Variants in COL11A1 observed in about 807,000 individuals in gnomAD.
COL11A1 encodes collagen alpha-1(XI) chain.
Under a neutral mutation model 265.2 loss-of-function variants are expected in COL11A1, and 74 were observed. The observed-to-expected ratio is 0.28, with a 90% CI of 0.23 to 0.34. The LOEUF is 0.34. Among genes scored for constraint, COL11A1 ranks in the 10% least tolerant of loss-of-function variants. The pLI, the probability that COL11A1 is intolerant of heterozygous loss-of-function variation, is 1.00. For missense variants in COL11A1, 2,165 were observed against 2,263.6 expected (o/e 0.96, Z 0.88); for synonymous variants, 816 against 727.6 (o/e 1.12, Z -1.96).
intron 63 of COL11A1, among the ~76,000 whole-genome samples, chr1:102,885,854 T>C (rs2100833913): frequency 6.6e-6 from 1 of 152,312 alleles, no homozygotes; most frequent in South Asian, 2.1e-4. Flanking sequence ...AGATGTTAGA[T>C]ACCAGTTTGT....
chr1:103,050,338 C>A (rs1032596393), intron 4 of COL11A1, among the ~76,000 whole-genome samples: 1 of 152,138 alleles, frequency 6.6e-6, no homozygotes, highest in African/African-American at 2.4e-5. Flanking sequence ...CTTCTCACTT[C>A]ATTTCATTCA....
intron 14 of COL11A1, among the ~76,000 whole-genome samples, chr1:103,011,231 T>C (rs1234597476): frequency 5.3e-5 from 8 of 152,192 alleles, no homozygotes; most frequent in East Asian, 3.8e-4. Flanking sequence ...TTTCCTGTTA[T>C]GTAAATTTGA....
At chr1:103,078,911 C>G in intron 2 of COL11A1, 40 bp from the exon 3 acceptor site, 1 of 1,396,666 alleles carries the variant, frequency 7.2e-7, no homozygotes, top group Non-Finnish European at 1.0e-6. Flanking sequence ...TTTCCAATTT[C>G]CAATTTCTAC....
intron 1 of COL11A1, among the ~76,000 whole-genome samples, chr1:103,099,808 T>G (rs1164299095): frequency 6.6e-6 from 1 of 151,774 alleles, no homozygotes; most frequent in Non-Finnish European, 1.5e-5. Context: ...GTTTTCCATA[T>G]GAAAAAGCTA....
intron 32 of COL11A1, 86 bp from the exon 33 acceptor site, chr1:102,979,190 A>T: frequency 1.5e-6 from 2 of 1,339,174 alleles, no homozygotes; most frequent in Admixed American, 3.4e-5. Context: ...ATGCAAGAAC[A>T]TCATTCATTC....
At chr1:102,967,867 G>T (rs1296110443) in intron 37 of COL11A1, among the ~76,000 whole-genome samples, 1 of 152,194 alleles carries the variant, frequency 6.6e-6, no homozygotes, top group Non-Finnish European at 1.5e-5. Flanking sequence ...ATAATTAAAT[G>T]TAATAGATTA....
chr1:103,061,270 G>A (rs7552698), intron 4 of COL11A1, among the ~76,000 whole-genome samples: 5,259 of 152,002 alleles, frequency 0.035, 329 homozygotes, highest in African/African-American at 0.12. Flanking sequence ...TAATAGATAT[G>A]GAAGGAAAAA....
At chr1:102,903,435 T>A (rs530418743) in intron 54 of COL11A1, among the ~76,000 whole-genome samples, 1 of 151,110 alleles carries the variant, frequency 6.6e-6, no homozygotes, top group East Asian at 1.9e-4. Flanking sequence ...ACTTCCGCCA[T>A]AAGATATTAT....
At chr1:103,097,762 G>C (rs1003017380) in intron 1 of COL11A1, among the ~76,000 whole-genome samples, 16 of 151,938 alleles carry the variant, frequency 1.1e-4, no homozygotes, top group Non-Finnish European at 1.8e-4. Flanking sequence ...ATAGATATTT[G>C]TTGAATAAGT....
intron 54 of COL11A1, among the ~76,000 whole-genome samples, chr1:102,905,271 C>T (rs1490253460): frequency 2.0e-5 from 3 of 148,746 alleles, no homozygotes; most frequent in Non-Finnish European, 3.0e-5. Flanking sequence ...ATACCTAATG[C>T]TAAATGACGA....
At chr1:103,098,222 G>T (rs928927185) in intron 1 of COL11A1, among the ~76,000 whole-genome samples, 4 of 151,876 alleles carry the variant, frequency 2.6e-5, no homozygotes, top group African/African-American at 9.7e-5. Flanking sequence ...GTAATTAGTT[G>T]ATCTCCTCAA....
intron 11 of COL11A1, 100 bp from the exon 12 acceptor site, chr1:103,015,842 A>C (rs1445070004): frequency 1.1e-6 from 1 of 879,796 alleles, no homozygotes; most frequent in Non-Finnish European, 1.7e-6. Context: ...TCTAATTTGC[A>C]TTTGCCCTTT....
intron 5 of COL11A1, among the ~76,000 whole-genome samples, chr1:103,027,500 T>C (rs1262051688): frequency 6.8e-6 from 1 of 146,668 alleles, no homozygotes; most frequent in Non-Finnish European, 1.5e-5. Flanking sequence ...TATATGATAA[T>C]ACATATAATA....
intron 4 of COL11A1, among the ~76,000 whole-genome samples, chr1:103,062,504 T>C (rs550893660): frequency 2.6e-5 from 4 of 151,942 alleles, no homozygotes; most frequent in African/African-American, 4.8e-5. Context: ...TTATCCCAGG[T>C]ATGCCAGGCT....
chr1:103,093,790 A>G (rs145208659), intron 1 of COL11A1, among the ~76,000 whole-genome samples: 12 of 152,260 alleles, frequency 7.9e-5, no homozygotes, highest in East Asian at 7.7e-4. Context: ...CATGAATTCA[A>G]TGACAAAGGT....
chr1:102,915,875 A>T (rs185423458), intron 49 of COL11A1, among the ~76,000 whole-genome samples, 191 bp from the exon 50 acceptor site: 58 of 152,348 alleles, frequency 3.8e-4, no homozygotes, highest in African/African-American at 1.4e-3. Flanking sequence ...TCAGGTGAGT[A>T]GACAGAAATA....
chr1:103,063,534 A>G (rs995720258), intron 4 of COL11A1, among the ~76,000 whole-genome samples: 2 of 152,152 alleles, frequency 1.3e-5, no homozygotes, highest in African/African-American at 4.8e-5. Flanking sequence ...ATATCTAAAT[A>G]CAAACCTTAA....
At chr1:103,083,110 TG>T in intron 1 of COL11A1, 138 bp from the exon 2 acceptor site, 1 of 789,298 alleles carries the variant, frequency 1.3e-6, no homozygotes. Context: ...AACATTTAGG[TG>T]GGAGTTTGGA....
chr1:103,000,089 A>G (rs996327388), intron 24 of COL11A1, among the ~76,000 whole-genome samples: 2 of 151,884 alleles, frequency 1.3e-5, no homozygotes, highest in African/African-American at 2.4e-5. Context: ...GGCACAGGTA[A>G]TTCAGATATA....
Sources: gnomAD v4.1 joint callset for allele counts (sites outside exome capture counted in the v4.1 genomes callset) on GRCh38, gnomAD v4.1.1 for gene constraint, MANE v1.5 for transcripts, NCBI Gene and HGNC (gene_info 2026-07-23, HGNC 2026-07-21) for gene names.